The following FAM184A variants were observed in gnomAD, a reference collection of about 807,000 sequenced individuals.
FAM184A encodes the protein protein FAM184A.
Under a neutral mutation model 143.8 loss-of-function variants are expected in FAM184A, and 99 were observed. That is an observed-to-expected ratio of 0.69 (90% CI 0.58 to 0.81). FAM184A has a LOEUF of 0.81. Ranked by LOEUF, FAM184A falls within the 40% of genes least tolerant of loss-of-function variation. The probability of loss-of-function intolerance (pLI) is 0.00; values close to 1 mark genes in which losing one functional copy is unlikely to be tolerated. For synonymous variants in FAM184A, 427 were observed against 446.4 expected (o/e 0.96, Z 0.55); for missense variants, 1,217 against 1,310.5 (o/e 0.93, Z 1.10).
At chr6:119,011,761 T>G (rs1236573809) in intron 5 of FAM184A, among the ~76,000 whole-genome samples, 1 of 152,240 alleles carries the variant, frequency 6.6e-6, no homozygotes, top group African/African-American at 2.4e-5. Flanking sequence ...CTCAAATTCT[T>G]TTATGTTTGC....
chr6:119,022,960 G>A lies in FAM184A; in HGVS notation c.1135C>T (p.Leu379Phe). The A allele has an allele frequency of 6.2e-7, 1 of 1,614,170 alleles. No individual in the cohort carries two copies. The highest frequency in any genetic ancestry group is 8.5e-7 in the Non-Finnish European group (1 of 1,180,018). ...TCACACATACTAGCTTTGAGGACAA[G>A]ATCTGAAGCTTGCTGTTGTAAACGT... Reference protein sequence around the residue: ...RERLQQQASDLVLKASHIGML... With the variant: ...RERLQQQASDFVLKASHIGML... Residue 379 changes from leucine (L) to phenylalanine (F), a missense_variant, in exon 3 of 18, where the codon CTT (leucine) becomes TTT (phenylalanine). Coordinates refer to ENST00000338891, the MANE Select transcript of FAM184A (RefSeq NM_024581.6).
intron 1 of FAM184A, among the ~76,000 whole-genome samples, chr6:119,067,796 G>A (rs9401119): frequency 6.6e-6 from 1 of 152,006 alleles, no homozygotes; most frequent in East Asian, 1.9e-4. Flanking sequence ...CAACAATGTA[G>A]ACTATATATC....
At chr6:119,031,314 G>A (rs1193746317) in intron 1 of FAM184A, 1 of 152,198 alleles carries the variant, frequency 6.6e-6, no homozygotes, top group Non-Finnish European at 1.5e-5. Context: ...ATTAGGTTTA[G>A]ATGAGACCAA....
chr6:119,076,031 G>A (rs1035526204), intron 1 of FAM184A, among the ~76,000 whole-genome samples: 2 of 152,010 alleles, frequency 1.3e-5, no homozygotes, highest in African/African-American at 4.8e-5. Flanking sequence ...TTCTTAATTG[G>A]AATGATTCTG....
chr6:118,983,252 A>C (rs1784071794), intron 9 of FAM184A, among the ~76,000 whole-genome samples: 1 of 152,232 alleles, frequency 6.6e-6, no homozygotes, highest in Non-Finnish European at 1.5e-5. Context: ...CATGAAAAGT[A>C]CATGGCACTT....
chr6:119,096,882 T>C (rs1347730961), intron 1 of FAM184A, among the ~76,000 whole-genome samples: 1 of 152,098 alleles, frequency 6.6e-6, no homozygotes, highest in East Asian at 1.9e-4. Context: ...CATGGGCTGG[T>C]CTCCAGGAAG....
chr6:119,102,444 T>C (rs569869887), intron 1 of FAM184A, among the ~76,000 whole-genome samples: 10 of 152,090 alleles, frequency 6.6e-5, no homozygotes, highest in Non-Finnish European at 1.5e-4. Context: ...AGCTTCAGTA[T>C]GTATCAGGAA....
intron 9 of FAM184A, among the ~76,000 whole-genome samples, chr6:118,984,028 T>C (rs1475923188): frequency 6.7e-6 from 1 of 150,046 alleles, no homozygotes; most frequent in East Asian, 2.0e-4. Flanking sequence ...CGGGCGCCTG[T>C]AATCCCAGCT....
intron 4 of FAM184A, among the ~76,000 whole-genome samples, chr6:119,019,696 T>G (rs906909348): frequency 6.6e-5 from 10 of 152,252 alleles, no homozygotes; most frequent in African/African-American, 2.4e-4. Context: ...AAGTATACAC[T>G]CCACTGAAAT....
rs563661062 is a variant in FAM184A at position 119,136,234 on chromosome 6, C to T, written c.-202+12844G>A. Among the ~76,000 whole-genome samples the T allele has an allele frequency of 3.8e-3, 536 of 142,770 alleles. 5 individuals carry two copies. Among genetic ancestry groups the T allele is most frequent in the African/African-American group, 0.013 (504 of 38,634 alleles). The allele number at this position is 142,770 out of a possible 152,430, so 93.7% of individuals were successfully genotyped here. On this transcript the variant is annotated intron_variant, in intron 1 of 16. Coordinates refer to the FAM184A transcript ENST00000352896. ...CGGAGCTTGCAGTGAGCCGAGATTGCGCCACTGCAGTCCGCAGTCCGGCCT... is the reference window on the plus strand; with the variant it reads ...CGGAGCTTGCAGTGAGCCGAGATTGTGCCACTGCAGTCCGCAGTCCGGCCT...
intron 1 of FAM184A, among the ~76,000 whole-genome samples, chr6:119,108,419 A>G (rs57363942): frequency 0.08 from 12,099 of 152,110 alleles, 805 homozygotes; most frequent in Admixed American, 0.22. Flanking sequence ...GGTCCTCTGC[A>G]CTTTAGTTTG....
At chr6:119,003,083 A>G in intron 8 of FAM184A, 34 bp from the exon 9 acceptor site, 3 of 1,555,696 alleles carry the variant, frequency 1.9e-6, no homozygotes, top group Non-Finnish European at 2.6e-6. Context: ...CTTTGTAAAG[A>G]GAATTATTCC....
rs1562456892 is a variant in FAM184A at position 118,974,477 on chromosome 6, T to G, written c.2866A>C (p.Asn956His). Residue 956 changes from asparagine (N) to histidine (H), a missense_variant, in exon 14 of 18, where the codon AAT becomes CAT. Transcript: ENST00000338891. ...REKNIMRADFNKTNELLKEIN... is the reference protein window; with the variant it reads ...REKNIMRADFHKTNELLKEIN... ...TCCTTGAGTAGCTCGTTAGTCTTAT[T>G]AAAATCTGCCCGCATGATATTTTTC... The G allele has an allele frequency of 6.2e-7, 1 of 1,612,900 alleles. No homozygotes were observed. Among genetic ancestry groups the G allele is most frequent in the East Asian group, 2.2e-5 (1 of 44,782 alleles).
At chr6:119,100,608 T>A (rs1788614005) in intron 1 of FAM184A, among the ~76,000 whole-genome samples, 1 of 148,100 alleles carries the variant, frequency 6.8e-6, no homozygotes, top group Non-Finnish European at 1.5e-5. Flanking sequence ...AGCCAATAGC[T>A]AGTTTAGTTT....
chr6:119,126,099 T>C (rs1789357762), intron 1 of FAM184A, among the ~76,000 whole-genome samples: 1 of 152,096 alleles, frequency 6.6e-6, no homozygotes, highest in Non-Finnish European at 1.5e-5. Context: ...AGGCTTGGGG[T>C]CATCCAAAGT....
In FAM184A at chr6:119,024,152, G is replaced by A; in HGVS notation, c.821C>T (p.Ala274Val). ...TTCTTTGCTGGCCTGTAGGCTTTCTGCTGTAAAAAGCTGTGACCTTTTCAA... is the reference window on the plus strand; with the variant it reads ...TTCTTTGCTGGCCTGTAGGCTTTCTACTGTAAAAAGCTGTGACCTTTTCAA... ...DTLKRSQLFTAESLQASKEKE... is the reference protein window; with the variant it reads ...DTLKRSQLFTVESLQASKEKE... Residue 274 changes from alanine (A) to valine (V), a missense_variant, in exon 2 of 18, where the codon GCA (alanine) becomes GTA (valine). Coordinates refer to ENST00000338891, the MANE Select transcript of FAM184A (RefSeq NM_024581.6). The A allele has an allele frequency of 1.9e-6, 3 of 1,614,118 alleles. No homozygotes were observed. The highest frequency in any genetic ancestry group is 2.5e-6 in the Non-Finnish European group (3 of 1,180,022).
intron 1 of FAM184A, among the ~76,000 whole-genome samples, chr6:119,093,281 T>C (rs1788423199): frequency 6.6e-6 from 1 of 152,182 alleles, no homozygotes; most frequent in Non-Finnish European, 1.5e-5. Flanking sequence ...CTGACCTTTT[T>C]TTAAATAGAC....
chr6:119,095,421 A>G (rs1788479652), intron 1 of FAM184A, among the ~76,000 whole-genome samples: 1 of 152,206 alleles, frequency 6.6e-6, no homozygotes, highest in South Asian at 2.1e-4. Context: ...AGTTGTAGTT[A>G]TCCAATCCCT....
chr6:119,012,356 G>T (rs114244451), intron 5 of FAM184A, among the ~76,000 whole-genome samples: 2,117 of 152,290 alleles, frequency 0.014, 47 homozygotes, highest in African/African-American at 0.048. Context: ...TCATGGCTGT[G>T]ATTATGGCAC....
Sources: gnomAD v4.1 joint callset for allele counts (sites outside exome capture counted in the v4.1 genomes callset) on GRCh38, gnomAD v4.1.1 for gene constraint, MANE v1.5 for transcripts, NCBI Gene and HGNC (gene_info 2026-07-23, HGNC 2026-07-21) for gene names.